Variants in SCLT1 observed in about 807,000 individuals in gnomAD.
SCLT1 encodes the protein sodium channel and clathrin linker 1, also known as sodium channel-associated protein 1.
A neutral mutation model predicts 112.8 loss-of-function variants in SCLT1; 78 were observed. That is an observed-to-expected ratio of 0.69 (90% CI 0.58 to 0.83). The LOEUF (loss-of-function observed/expected upper bound fraction) is 0.83, where lower values mean the gene tolerates loss of function less well. Among genes scored for constraint, SCLT1 ranks in the 40% least tolerant of loss-of-function variants. The pLI, the probability that SCLT1 is intolerant of heterozygous loss-of-function variation, is 0.00. For missense variants in SCLT1, 747 were observed against 770.4 expected (o/e 0.97, Z 0.36); for synonymous variants, 257 against 254.7 (o/e 1.01, Z -0.09).
At chr4:128,876,758 G>GAGAT (rs1316878270) in intron 3 of SCLT1, 2 of 152,212 alleles carry the variant, frequency 1.3e-5, no homozygotes, top group African/African-American at 2.4e-5. Flanking sequence ...GGAGTGTGAA[G>GAGAT]AGATTGCTTA....
At chr4:129,063,479 C>T (rs958005306) in intron 2 of SCLT1, among the ~76,000 whole-genome samples, 4 of 152,184 alleles carry the variant, frequency 2.6e-5, no homozygotes, top group Admixed American at 1.3e-4. Flanking sequence ...CTGAAATGCT[C>T]AAGTTTGTGT....
At chr4:128,946,810 A>T (rs1312962516) in intron 15 of SCLT1, among the ~76,000 whole-genome samples, 3 of 152,182 alleles carry the variant, frequency 2.0e-5, no homozygotes, top group Non-Finnish European at 4.4e-5. Flanking sequence ...ACTCTGGGTT[A>T]CCTGGACAAT....
chr4:128,974,185 A>G (rs953881822), intron 9 of SCLT1, among the ~76,000 whole-genome samples: 4 of 152,138 alleles, frequency 2.6e-5, no homozygotes, highest in Non-Finnish European at 5.9e-5. Context: ...TTATTAGATT[A>G]AATTGTCAGG....
intron 2 of SCLT1, among the ~76,000 whole-genome samples, chr4:129,050,175 T>G (rs1338941518): frequency 6.6e-6 from 1 of 152,216 alleles, no homozygotes; most frequent in Non-Finnish European, 1.5e-5. Context: ...GTCTTTGCTA[T>G]TGTAAATAGT....
chr4:129,009,596 A>C (rs2126101014), intron 5 of SCLT1, among the ~76,000 whole-genome samples: 1 of 152,052 alleles, frequency 6.6e-6, no homozygotes, highest in Non-Finnish European at 1.5e-5. Context: ...GCAGTGTAAA[A>C]GCATTCCCTT....
rs147846202 is a variant in SCLT1, at chr4:128,946,392, G to C, written c.1294-240C>G. On this transcript the variant is annotated intron_variant, in intron 15 of 20. Transcript: ENST00000281142. ...GAGACCAGCCTGGGCAACATAGCAA[G>C]ACCCTGTCATCTAAAAAAAGTATTA... Among the ~76,000 whole-genome samples the C allele has an allele frequency of 2.7e-4, 41 of 152,084 alleles. 1 individual carries two copies. Among genetic ancestry groups the C allele is most frequent in the African/African-American group, 9.4e-4 (39 of 41,498 alleles).
At chr4:128,977,943 G>A (rs1036789259) in intron 9 of SCLT1, among the ~76,000 whole-genome samples, 19 of 152,148 alleles carry the variant, frequency 1.2e-4, no homozygotes, top group Non-Finnish European at 7.4e-5. Context: ...AAAGGGTACT[G>A]CAAACAAGAG....
intron 19 of SCLT1, among the ~76,000 whole-genome samples, chr4:128,889,498 A>T (rs757254475): frequency 5.9e-5 from 9 of 152,182 alleles, no homozygotes; most frequent in Non-Finnish European, 1.2e-4. Context: ...CTCAGAAGGA[A>T]CTAACAATGT....
intron 18 of SCLT1, among the ~76,000 whole-genome samples, chr4:128,925,035 T>G (rs1276120756): frequency 2.6e-5 from 4 of 152,140 alleles, no homozygotes; most frequent in African/African-American, 9.7e-5. Context: ...GGCAAGGAAC[T>G]GATGTCTCCT....
chr4:128,939,179 C>T (rs552270547), intron 17 of SCLT1, among the ~76,000 whole-genome samples: 1 of 152,202 alleles, frequency 6.6e-6, no homozygotes, highest in Non-Finnish European at 1.5e-5. Context: ...TTGTGCCACA[C>T]TATTCCCTTG....
At chr4:129,032,572 A>T (rs1746821689) in intron 5 of SCLT1, among the ~76,000 whole-genome samples, 1 of 152,096 alleles carries the variant, frequency 6.6e-6, no homozygotes, top group Admixed American at 6.6e-5. Flanking sequence ...ATGGGAGAAA[A>T]TTTTTTCAAG....
At chr4:128,954,086 A>C (rs542377029) in intron 13 of SCLT1, among the ~76,000 whole-genome samples, 53 of 152,200 alleles carry the variant, frequency 3.5e-4, no homozygotes, top group African/African-American at 1.0e-3. Flanking sequence ...ATAACTATTC[A>C]TGCTTTTTAA....
chr4:129,083,941 G>C (rs1699391), intron 1 of SCLT1, among the ~76,000 whole-genome samples: 1 of 151,926 alleles, frequency 6.6e-6, no homozygotes, highest in African/African-American at 2.4e-5. Context: ...AAAATGATAA[G>C]AAATATGATC....
intron 18 of SCLT1, among the ~76,000 whole-genome samples, chr4:128,900,090 G>T (rs1734142513): frequency 6.6e-6 from 1 of 152,096 alleles, no homozygotes; most frequent in Admixed American, 6.5e-5. Flanking sequence ...CATGAAAATG[G>T]CCATACTGCC....
intron 18 of SCLT1, among the ~76,000 whole-genome samples, chr4:128,896,424 G>A (rs1334804761): frequency 6.6e-6 from 1 of 152,188 alleles, no homozygotes; most frequent in Non-Finnish European, 1.5e-5. Flanking sequence ...GGTCTGGAGT[G>A]GACCTCCAGC....
intron 5 of SCLT1, among the ~76,000 whole-genome samples, chr4:129,033,502 T>TAAAAAAAAAAAAAAA (rs56325033): frequency 9.0e-5 from 4 of 44,310 alleles, no homozygotes; most frequent in East Asian, 7.7e-4. Flanking sequence ...GAACTTAAAG[T>TAAAAAAAAAAAAAAA]AAAAAAAAAA....
intron 5 of SCLT1, among the ~76,000 whole-genome samples, chr4:129,004,872 T>C (rs1036377918): frequency 6.6e-5 from 10 of 151,594 alleles, no homozygotes; most frequent in African/African-American, 2.4e-4. Flanking sequence ...TTGAAAATTA[T>C]TCTCTAATTA....
At chr4:128,879,625 A>G (rs1206213712), downstream of SCLT1, among the ~76,000 whole-genome samples, 1 of 152,218 alleles carries the variant, frequency 6.6e-6, no homozygotes, top group East Asian at 1.9e-4. Context: ...CTGTCGAACT[A>G]TATGAGGTAA....
At chr4:128,893,459 T>C (rs954762679) in intron 18 of SCLT1, among the ~76,000 whole-genome samples, 5 of 152,366 alleles carry the variant, frequency 3.3e-5, no homozygotes, top group East Asian at 3.9e-4. Flanking sequence ...AACATTTCCA[T>C]AGTATTTGCT....
Sources: gnomAD v4.1 joint callset for allele counts (sites outside exome capture counted in the v4.1 genomes callset) on GRCh38, gnomAD v4.1.1 for gene constraint, MANE v1.5 for transcripts, NCBI Gene and HGNC (gene_info 2026-07-23, HGNC 2026-07-21) for gene names.